Variants in XXYLT1 observed in about 807,000 individuals in gnomAD.
XXYLT1 encodes the protein xyloside xylosyltransferase 1.
Under a neutral mutation model 28.9 loss-of-function variants are expected in XXYLT1, and 20 were observed. The ratio of observed to expected loss-of-function variants is 0.69; its 90% CI spans 0.49 to 1.00. The LOEUF is 1.00. Ranked by LOEUF, XXYLT1 falls within the 50% of genes least tolerant of loss-of-function variation. XXYLT1 has a pLI of 0.00. For synonymous variants in XXYLT1, 257 were observed against 253.8 expected (o/e 1.01, Z -0.12); for missense variants, 542 against 560.1 (o/e 0.97, Z 0.33).
At chr3:195,213,263 C>CTTT (rs924778735) in intron 2 of XXYLT1, among the ~76,000 whole-genome samples, 142 of 129,038 alleles carry the variant, frequency 1.1e-3, no homozygotes, top group African/African-American at 4.0e-3. Context: ...TTCTTTCTTT[C>CTTT]TTTTTTTTTT....
intron 2 of XXYLT1, among the ~76,000 whole-genome samples, chr3:195,213,002 T>C (rs1163717355): frequency 6.6e-6 from 1 of 152,194 alleles, no homozygotes; most frequent in African/African-American, 2.4e-5. Context: ...CCACAATTCA[T>C]GATCCACGGA....
rs371992221 is a variant in XXYLT1, at chr3:195,150,898, T to TCTCC, written c.785+5547_785+5550dup. Among the ~76,000 whole-genome samples, 1 of 150,840 alleles carries TCTCC rather than the reference T, an allele frequency of 6.6e-6. No homozygotes were observed. Among genetic ancestry groups the TCTCC allele is most frequent in the Non-Finnish European group, 1.5e-5 (1 of 67,832 alleles). The stretch of plus-strand genomic sequence containing the variant: ...CTCCCTCTCCCTCTCCCTCTCTCTC[T>TCTCC]CTCCATCACTCCAGGGTCAGCAGGA... On this transcript the variant is annotated intron_variant, in intron 3 of 3. Transcript: ENST00000310380. This position sits in a 1 kb window ranked among gnomAD's most constrained non-coding sequence, Gnocchi z 4.7.
chr3:195,143,845 T>TATAG (rs1560117165), intron 3 of XXYLT1, among the ~76,000 whole-genome samples: 1 of 73,116 alleles, frequency 1.4e-5, no homozygotes, highest in Admixed American at 1.3e-4. Context: ...TAGATATAGA[T>TATAG]ATATATATAG....
intron 1 of XXYLT1, among the ~76,000 whole-genome samples, chr3:195,242,116 G>C (rs1724802018): frequency 1.3e-5 from 2 of 152,170 alleles, no homozygotes; most frequent in African/African-American, 4.8e-5. Context: ...AGCAAATAAA[G>C]GGGCAGAGAG....
chr3:195,179,366 G>T (rs57027905), intron 2 of XXYLT1, among the ~76,000 whole-genome samples: 1 of 145,066 alleles, frequency 6.9e-6, no homozygotes, highest in Non-Finnish European at 1.5e-5. Flanking sequence ...AAAAAAAAAA[G>T]AACTCATGAT....
chr3:195,196,957 TA>T (rs1342149676), intron 2 of XXYLT1, among the ~76,000 whole-genome samples: 1 of 152,112 alleles, frequency 6.6e-6, no homozygotes, highest in Non-Finnish European at 1.5e-5. Context: ...ATATCCTTTT[TA>T]AAACCCGGTG....
chr3:195,201,134 G>A (rs965849798), intron 2 of XXYLT1, among the ~76,000 whole-genome samples: 1 of 152,184 alleles, frequency 6.6e-6, no homozygotes, highest in Non-Finnish European at 1.5e-5. Context: ...CCATCATCTT[G>A]TTCAGAGCCA....
intron 2 of XXYLT1, among the ~76,000 whole-genome samples, chr3:195,179,926 C>T (rs901355201): frequency 5.9e-5 from 9 of 152,200 alleles, no homozygotes; most frequent in African/African-American, 2.2e-4. Context: ...AGGATGCCTC[C>T]CCGTGATCCC....
chr3:195,072,899 G>A (rs904363452), intron 3 of XXYLT1, among the ~76,000 whole-genome samples: 3 of 152,188 alleles, frequency 2.0e-5, no homozygotes, highest in Non-Finnish European at 2.9e-5. Flanking sequence ...GGAATGGTAC[G>A]GGGTGTGGAC....
At chr3:195,234,522 T>A (rs146966093) in intron 1 of XXYLT1, among the ~76,000 whole-genome samples, 3,915 of 151,924 alleles carry the variant, frequency 0.026, 186 homozygotes, top group African/African-American at 0.089. Context: ...TTTCACCATC[T>A]TGGCCAGGCT....
At chr3:195,211,575 A>T (rs895550334) in intron 2 of XXYLT1, among the ~76,000 whole-genome samples, 1 of 152,224 alleles carries the variant, frequency 6.6e-6, no homozygotes, top group Non-Finnish European at 1.5e-5. Flanking sequence ...CAGTGAATGA[A>T]ACACACAGAA....
At chr3:195,192,244 G>A (rs1241194123) in intron 2 of XXYLT1, among the ~76,000 whole-genome samples, 1 of 152,094 alleles carries the variant, frequency 6.6e-6, no homozygotes, top group Non-Finnish European at 1.5e-5. Flanking sequence ...CCAACATGGT[G>A]AAACCCGGCC....
At chr3:195,166,676 T>G (rs1178122954) in intron 2 of XXYLT1, among the ~76,000 whole-genome samples, 5 of 152,204 alleles carry the variant, frequency 3.3e-5, no homozygotes, top group Non-Finnish European at 7.3e-5. Flanking sequence ...TGGGCCATTT[T>G]TTTTTTTATT....
intron 1 of XXYLT1, among the ~76,000 whole-genome samples, chr3:195,232,506 G>A (rs559474366): frequency 6.6e-6 from 1 of 151,684 alleles, no homozygotes; most frequent in Non-Finnish European, 1.5e-5. Context: ...CTTCTTTTTT[G>A]ATGTAGGCAT....
intron 3 of XXYLT1, among the ~76,000 whole-genome samples, chr3:195,110,283 G>C (rs1717505578): frequency 5.6e-5 from 2 of 35,656 alleles, no homozygotes; most frequent in African/African-American, 4.0e-4. Context: ...TGTGTGTGGG[G>C]TGTATGTGTG....
intron 3 of XXYLT1, among the ~76,000 whole-genome samples, chr3:195,089,169 C>T (rs962442461): frequency 1.1e-4 from 17 of 151,352 alleles, no homozygotes; most frequent in African/African-American, 1.7e-4. Flanking sequence ...TCAGGAAATA[C>T]AGAGAACGCC....
chr3:195,202,349 T>C lies in XXYLT1; in HGVS notation c.652+24360A>G, dbSNP rs560491439. On this transcript the variant is annotated intron_variant, in intron 2 of 3. Transcript: ENST00000310380. The stretch of plus-strand genomic sequence containing the variant: ...TGAGAACTAATCCCAAAACAGACAA[T>C]GGAATAGGGCAGAGATTGCAATATT... Among the ~76,000 whole-genome samples the C allele has an allele frequency of 3.9e-5, 5 of 129,338 alleles. No individual in the cohort carries two copies. The South Asian group carries it at 1.2e-3, about 30-fold the overall frequency. 84.9% of individuals were successfully genotyped at this position (129,338 alleles called of 152,430 possible). A position where few individuals can be genotyped will look rare whatever the true frequency, so the allele number is the denominator to read the frequency against.
chr3:195,143,267 G>GTGCAT (rs1373493503), intron 3 of XXYLT1, among the ~76,000 whole-genome samples: 1 of 152,186 alleles, frequency 6.6e-6, no homozygotes, highest in Non-Finnish European at 1.5e-5. Flanking sequence ...GCCTTGCGGG[G>GTGCAT]TGCAGCCCAC....
intron 2 of XXYLT1, among the ~76,000 whole-genome samples, chr3:195,178,589 T>A (rs1721788375): frequency 6.6e-6 from 1 of 152,164 alleles, no homozygotes; most frequent in African/African-American, 2.4e-5. Flanking sequence ...CAGAGCTCCC[T>A]GGTTTCACGC....
Sources: gnomAD v4.1 joint callset for allele counts (sites outside exome capture counted in the v4.1 genomes callset) on GRCh38, gnomAD v4.1.1 for gene constraint, Gnocchi (gnomAD v3.1) non-coding constraint, MANE v1.5 for transcripts, NCBI Gene and HGNC (gene_info 2026-07-23, HGNC 2026-07-21) for gene names.